TSHZ2: variants seen among roughly 807,000 people sequenced by gnomAD.
TSHZ2 encodes teashirt homolog 2.
TSHZ2 carries 21 observed loss-of-function variants against 74.4 expected under a neutral mutation model. That is an observed-to-expected ratio of 0.28 (90% CI 0.20 to 0.41). The LOEUF (loss-of-function observed/expected upper bound fraction) is 0.41, where lower values mean the gene tolerates loss of function less well. TSHZ2 is among the 10% of genes least tolerant of loss of function. The pLI, the probability that TSHZ2 is intolerant of heterozygous loss-of-function variation, is 1.00. For missense variants in TSHZ2, 1,244 were observed against 1,293.5 expected (o/e 0.96, Z 0.59); for synonymous variants, 540 against 515.3 (o/e 1.05, Z -0.65).
At chr20:53,454,497 G>A (rs1279450072) in intron 2 of TSHZ2, among the ~76,000 whole-genome samples, 1 of 152,040 alleles carries the variant, frequency 6.6e-6, no homozygotes, top group Non-Finnish European at 1.5e-5. Flanking sequence ...AGGAGGTGGA[G>A]GTTGCAGTGA....
In TSHZ2 at chr20:53,180,148, G is replaced by T. The variant is rs578238724; in HGVS notation, c.41-73351G>T. Among the ~76,000 whole-genome samples, 809 of 152,094 alleles carry T rather than the reference G, an allele frequency of 5.3e-3. 1 individual carries two copies. Among genetic ancestry groups the T allele is most frequent in the Middle Eastern group, 0.014 (4 of 294 alleles). On this transcript the variant is annotated intron_variant, in intron 1 of 2. Transcript: ENST00000371497. ...TAGCTTCAGAGATTCTGTGACAAAA[G>T]AAAGAGATTGGGAGAAAGGGAGGGC...
chr20:53,284,196 T>C (rs887766530), intron 2 of TSHZ2, among the ~76,000 whole-genome samples: 1 of 152,246 alleles, frequency 6.6e-6, no homozygotes, highest in Admixed American at 6.5e-5. Context: ...TAAGTGTTGC[T>C]TCTTGAATGC....
At chr20:53,282,062 C>G (rs1991071395) in intron 2 of TSHZ2, among the ~76,000 whole-genome samples, 1 of 152,164 alleles carries the variant, frequency 6.6e-6, no homozygotes, top group Admixed American at 6.5e-5. Context: ...CAAAGGCATC[C>G]CTACTGTGTC....
intron 2 of TSHZ2, among the ~76,000 whole-genome samples, chr20:53,407,193 A>T (rs746446944): frequency 6.6e-6 from 1 of 151,970 alleles, no homozygotes; most frequent in Non-Finnish European, 1.5e-5. Flanking sequence ...TTTCTTCTTG[A>T]TTTCTCTTGT....
At chr20:53,225,964 A>G (rs1989675296) in intron 1 of TSHZ2, among the ~76,000 whole-genome samples, 1 of 152,228 alleles carries the variant, frequency 6.6e-6, no homozygotes, top group Non-Finnish European at 1.5e-5. Context: ...CACATTTATC[A>G]AAGGTTTTTG....
intron 1 of TSHZ2, among the ~76,000 whole-genome samples, chr20:53,099,196 G>A (rs971156651): frequency 6.6e-5 from 10 of 152,190 alleles, no homozygotes; most frequent in African/African-American, 2.2e-4. Context: ...TCCTTTGAGC[G>A]AGGGTCAGGT....
intron 2 of TSHZ2, among the ~76,000 whole-genome samples, chr20:53,258,751 G>T (rs1218921911): frequency 6.6e-6 from 1 of 152,202 alleles, no homozygotes; most frequent in East Asian, 1.9e-4. Context: ...TACAGGATGA[G>T]TATATCTAAT....
intron 1 of TSHZ2, among the ~76,000 whole-genome samples, chr20:53,165,852 C>T (rs541824466): frequency 8.5e-5 from 13 of 152,202 alleles, no homozygotes; most frequent in African/African-American, 1.2e-4. Flanking sequence ...CATGCAGACT[C>T]ACTCACAACG....
intron 1 of TSHZ2, among the ~76,000 whole-genome samples, chr20:53,049,355 C>T (rs966665670): frequency 1.3e-5 from 2 of 152,116 alleles, no homozygotes; most frequent in Non-Finnish European, 2.9e-5. Context: ...TCTTCCAGTA[C>T]GAATTCCTGC....
At chr20:53,439,292 T>A (rs1984221752) in intron 2 of TSHZ2, among the ~76,000 whole-genome samples, 1 of 151,978 alleles carries the variant, frequency 6.6e-6, no homozygotes, top group African/African-American at 2.4e-5. Flanking sequence ...CCATCTGGAG[T>A]CAGTAATAAT....
intron 1 of TSHZ2, among the ~76,000 whole-genome samples, chr20:53,039,351 A>G (rs1983952113): frequency 1.3e-5 from 2 of 152,156 alleles, no homozygotes; most frequent in South Asian, 2.1e-4. Flanking sequence ...CTACATGAAT[A>G]TTTCTCAACA....
At chr20:53,165,995 A>G (rs1021788577) in intron 1 of TSHZ2, among the ~76,000 whole-genome samples, 16 of 152,170 alleles carry the variant, frequency 1.1e-4, no homozygotes, top group African/African-American at 3.4e-4. Context: ...AGATGGTGGC[A>G]TATGTTTAGT....
intron 2 of TSHZ2, among the ~76,000 whole-genome samples, chr20:53,315,649 A>G (rs1028283997): frequency 1.3e-5 from 2 of 152,108 alleles, no homozygotes; most frequent in Middle Eastern, 3.2e-3. Flanking sequence ...TCATTTGTTC[A>G]GTTACTTATG....
At chr20:53,227,450 A>T (rs1216836209) in intron 1 of TSHZ2, among the ~76,000 whole-genome samples, 1 of 134,774 alleles carries the variant, frequency 7.4e-6, no homozygotes, top group Non-Finnish European at 1.6e-5. Flanking sequence ...TTGCCTTAGT[A>T]AGTGGGGAGG....
chr20:53,420,077 G>A (rs978717799), intron 2 of TSHZ2, among the ~76,000 whole-genome samples: 1 of 152,240 alleles, frequency 6.6e-6, no homozygotes, highest in African/African-American at 2.4e-5. Context: ...CTATACAGAA[G>A]TCTACAGATG....
At chr20:53,205,623 G>C (rs994643588) in intron 1 of TSHZ2, among the ~76,000 whole-genome samples, 2 of 152,128 alleles carry the variant, frequency 1.3e-5, no homozygotes, top group African/African-American at 4.8e-5. Context: ...GTTTTTCCTA[G>C]ACATGAGATC....
At chr20:53,314,097 G>A (rs576784338) in intron 2 of TSHZ2, among the ~76,000 whole-genome samples, 15 of 152,112 alleles carry the variant, frequency 9.9e-5, no homozygotes, top group South Asian at 2.1e-4. Flanking sequence ...AAACCAGCCC[G>A]GCCAACATGG....
chr20:53,254,956 T>C lies in TSHZ2; in HGVS notation c.1498T>C (p.Tyr500His). Residue 500 changes from tyrosine (Y) to histidine (H), a missense_variant, in exon 2 of 3, where the codon TAC becomes CAC. Tyr to His is a moderately conservative substitution (Grantham distance 83). Transcript: ENST00000371497. Reference sequence around the variant, plus strand: ...TTTAGACCCTACAATCAAATATCAATACCTAAGGGAGGAAGACTTGGAAGA... The same window carrying C: ...TTTAGACCCTACAATCAAATATCAACACCTAAGGGAGGAAGACTTGGAAGA... ...KPLDPTIKYQ[Y>H]LREEDLEDGS... 6.2e-7 allele frequency: 1 copy of C among 1,613,960 alleles called. No homozygotes were observed. The highest frequency in any genetic ancestry group is 8.5e-7 in the Non-Finnish European group (1 of 1,179,970).
At chr20:53,356,745 C>G (rs1980861156) in intron 2 of TSHZ2, among the ~76,000 whole-genome samples, 1 of 152,078 alleles carries the variant, frequency 6.6e-6, no homozygotes, top group African/African-American at 2.4e-5. Context: ...GATTTACCAG[C>G]AGCCACCATT....
Sources: gnomAD v4.1 joint callset for allele counts (sites outside exome capture counted in the v4.1 genomes callset) on GRCh38, gnomAD v4.1.1 for gene constraint, MANE v1.5 for transcripts, NCBI Gene and HGNC (gene_info 2026-07-23, HGNC 2026-07-21) for gene names.